The following GAS2 variants were observed in gnomAD, a reference collection of about 807,000 sequenced individuals.
GAS2 encodes the protein growth arrest specific 2, also known as growth arrest-specific protein 2.
GAS2 carries 20 observed loss-of-function variants against 37.5 expected under a neutral mutation model. The observed-to-expected ratio is 0.53, with a 90% CI of 0.37 to 0.77. GAS2 has a LOEUF of 0.77. GAS2 is among the 30% of genes least tolerant of loss of function. The probability of loss-of-function intolerance (pLI) is 0.00; values close to 1 mark genes in which losing one functional copy is unlikely to be tolerated. For synonymous variants in GAS2, 144 were observed against 132.2 expected, an observed-to-expected ratio of 1.09 and a Z score of -0.61; for missense variants, 336 against 373.4, an observed-to-expected ratio of 0.90 and a Z score of 0.82.
At chr11:22,774,119 A>C (rs999934474) in intron 7 of GAS2, among the ~76,000 whole-genome samples, 2 of 152,078 alleles carry the variant, frequency 1.3e-5, no homozygotes, top group Admixed American at 1.3e-4. Flanking sequence ...TCAGCCTCCC[A>C]AGTAGCTGAG....
At chr11:22,740,180 A>T (rs1044304908) in intron 5 of GAS2, among the ~76,000 whole-genome samples, 1 of 152,172 alleles carries the variant, frequency 6.6e-6, no homozygotes, top group African/African-American at 2.4e-5. Flanking sequence ...AGTGAATTAT[A>T]ATGGCCTTGT....
chr11:22,691,604 C>G (rs779306283), intron 3 of GAS2, among the ~76,000 whole-genome samples: 18 of 151,992 alleles, frequency 1.2e-4, no homozygotes, highest in Non-Finnish European at 1.8e-4. Context: ...ATTTATTGTT[C>G]TAAATTGCAA....
intron 7 of GAS2, among the ~76,000 whole-genome samples, chr11:22,790,889 GAGA>G: frequency 6.6e-6 from 1 of 152,128 alleles, no homozygotes; most frequent in Non-Finnish European, 1.5e-5. Context: ...AGCATATGCA[GAGA>G]AGACCTGTTT....
intron 1 of GAS2, among the ~76,000 whole-genome samples, chr11:22,632,950 C>T (rs368985716): frequency 1.4e-3 from 215 of 151,660 alleles, no homozygotes; most frequent in African/African-American, 5.0e-3. Context: ...GGAAATCTTT[C>T]ATTCATAACC....
At chr11:22,778,376 A>T (rs375312163) in intron 7 of GAS2, among the ~76,000 whole-genome samples, 102 of 152,332 alleles carry the variant, frequency 6.7e-4, no homozygotes, top group Middle Eastern at 3.4e-3. Flanking sequence ...TTTCTGATGG[A>T]GACAGATTCT....
intron 1 of GAS2, among the ~76,000 whole-genome samples, chr11:22,670,330 T>C: frequency 6.7e-6 from 1 of 150,318 alleles, no homozygotes; most frequent in East Asian, 2.0e-4. Context: ...GTGGTAGTGA[T>C]GTCCTCTCAC....
chr11:22,761,242 G>A (rs1439282116), intron 7 of GAS2, among the ~76,000 whole-genome samples: 1 of 152,036 alleles, frequency 6.6e-6, no homozygotes, highest in Non-Finnish European at 1.5e-5. Context: ...ACCATTTGGT[G>A]TTCCATTCCT....
At chr11:22,656,147 A>T (rs569397404) in intron 1 of GAS2, among the ~76,000 whole-genome samples, 2 of 152,206 alleles carry the variant, frequency 1.3e-5, no homozygotes, top group Non-Finnish European at 1.5e-5. Context: ...AATTTCTACA[A>T]ATCTTAAAAC....
At chr11:22,775,197 A>G (rs1855193869) in intron 7 of GAS2, among the ~76,000 whole-genome samples, 1 of 152,202 alleles carries the variant, frequency 6.6e-6, no homozygotes, top group Non-Finnish European at 1.5e-5. Context: ...AAACATGAGT[A>G]GATTGCATTT....
intron 3 of GAS2, among the ~76,000 whole-genome samples, chr11:22,707,513 T>C (rs1233321198): frequency 6.6e-6 from 1 of 152,216 alleles, no homozygotes; most frequent in Non-Finnish European, 1.5e-5. Flanking sequence ...TACCATTGTT[T>C]AGACAGACCT....
intron 2 of GAS2, among the ~76,000 whole-genome samples, chr11:22,675,844 G>A (rs185229940): frequency 5.3e-5 from 8 of 152,220 alleles, no homozygotes; most frequent in African/African-American, 1.4e-4. Flanking sequence ...CATCTGTCAA[G>A]GTAAGAGTTG....
At chr11:22,775,457 A>G (rs1462257604) in intron 7 of GAS2, among the ~76,000 whole-genome samples, 4 of 152,122 alleles carry the variant, frequency 2.6e-5, no homozygotes, top group Non-Finnish European at 4.4e-5. Context: ...GAAAAGCAAC[A>G]TGTTGATTTT....
rs553773991 is a variant in GAS2, at chr11:22,779,564, G to A, written c.723+23611G>A. ...AATATAAAAATTAGTCAGGTGTGGT[G>A]GCATGCACCTGTAATCCCAGCTACT... On this transcript the variant is annotated intron_variant, in intron 7 of 7. Transcript: ENST00000454584. Among the ~76,000 whole-genome samples the A allele has an allele frequency of 9.9e-5, 15 of 152,246 alleles. 1 individual carries two copies. In the South Asian group the frequency reaches 3.1e-3, roughly 32 times the overall value.
chr11:22,698,424 G>A lies in GAS2; in HGVS notation c.267+12635G>A, dbSNP rs548382720. 7.9e-5 allele frequency among the ~76,000 whole-genome samples: 12 copies of A among 151,914 alleles called. No homozygotes were observed. In the South Asian group the frequency reaches 1.9e-3, roughly 24 times the overall value. ...TCCAGGACCAGATGGATTCACAGCCGAATTCTACCAGAGGTACAAGGAGGA... is the reference window on the plus strand; with the variant it reads ...TCCAGGACCAGATGGATTCACAGCCAAATTCTACCAGAGGTACAAGGAGGA... On this transcript the variant is annotated intron_variant, in intron 3 of 7. Transcript: ENST00000454584.
intron 7 of GAS2, among the ~76,000 whole-genome samples, chr11:22,805,742 A>C (rs1023238162): frequency 1.3e-5 from 2 of 152,196 alleles, no homozygotes; most frequent in Non-Finnish European, 2.9e-5. Context: ...TACTCCATAA[A>C]CAAAACATCC....
intron 1 of GAS2, among the ~76,000 whole-genome samples, chr11:22,635,042 T>A (rs1447925019): frequency 6.6e-6 from 1 of 152,176 alleles, no homozygotes; most frequent in African/African-American, 2.4e-5. Context: ...TCAGTTGGCC[T>A]CCAGCCAGGA....
chr11:22,684,957 T>C (rs1849868575), intron 2 of GAS2, among the ~76,000 whole-genome samples: 1 of 152,188 alleles, frequency 6.6e-6, no homozygotes, highest in African/African-American at 2.4e-5. Flanking sequence ...AAGTTCCCAA[T>C]GGTGGTTTTT....
chr11:22,658,508 C>G (rs1462544635), intron 1 of GAS2, among the ~76,000 whole-genome samples: 1 of 152,170 alleles, frequency 6.6e-6, no homozygotes, highest in Admixed American at 6.5e-5. Context: ...AACTTCTTCC[C>G]ATCTTTCCCA....
At chr11:22,697,726 G>C (rs1442408622) in intron 3 of GAS2, among the ~76,000 whole-genome samples, 2 of 152,196 alleles carry the variant, frequency 1.3e-5, no homozygotes, top group Admixed American at 6.6e-5. Flanking sequence ...GGAATTCACT[G>C]ATGATTTGGC....
Sources: allele counts gnomAD v4.1 joint callset (sites outside exome capture counted in the v4.1 genomes callset), GRCh38; gene constraint gnomAD v4.1.1; transcripts MANE v1.5; gene names NCBI Gene and HGNC (gene_info 2026-07-23, HGNC 2026-07-21).